The following WDR70 variants were observed in gnomAD, a reference collection of about 807,000 sequenced individuals.
WDR70 encodes the protein WD repeat domain 70, also known as WD repeat-containing protein 70.
WDR70 carries 53 observed loss-of-function variants against 88.6 expected under a neutral mutation model. The observed-to-expected ratio is 0.60, with a 90% confidence interval of 0.48 to 0.75. WDR70 has a LOEUF of 0.75. WDR70 is among the 30% of genes least tolerant of loss of function. WDR70 has a pLI of 0.00. For synonymous variants in WDR70, 280 were observed against 270.0 expected (o/e 1.04, Z -0.36); for missense variants, 610 against 823.2 (o/e 0.74, Z 3.17).
intron 10 of WDR70, among the ~76,000 whole-genome samples, chr5:37,638,618 T>C (rs1356434): frequency 0.97 from 148,096 of 152,304 alleles, 72,153 homozygotes; most frequent in East Asian, 1. Context: ...GTTAATATGT[T>C]AAGTTCTCAA....
chr5:37,536,862 G>C (rs1741680372), intron 9 of WDR70, among the ~76,000 whole-genome samples: 1 of 151,794 alleles, frequency 6.6e-6, no homozygotes, highest in South Asian at 2.1e-4. Flanking sequence ...CTCTCTAGAG[G>C]ACTTTTAAAT....
intron 10 of WDR70, among the ~76,000 whole-genome samples, chr5:37,637,352 T>G (rs574438881): frequency 1.5e-5 from 2 of 135,274 alleles, no homozygotes; most frequent in South Asian, 2.3e-4. Flanking sequence ...AATAAATAAA[T>G]AAATAAATAA....
chr5:37,450,572 A>C (rs1738644986), intron 7 of WDR70, among the ~76,000 whole-genome samples: 1 of 152,178 alleles, frequency 6.6e-6, no homozygotes, highest in African/African-American at 2.4e-5. Context: ...AGCTTCCACT[A>C]TCCATTTACT....
At chr5:37,457,206 A>G (rs1211892153) in intron 7 of WDR70, among the ~76,000 whole-genome samples, 1 of 152,040 alleles carries the variant, frequency 6.6e-6, no homozygotes, top group East Asian at 1.9e-4. Context: ...AGCAATTCTC[A>G]TGCCTCAACC....
intron 9 of WDR70, among the ~76,000 whole-genome samples, chr5:37,582,906 G>A (rs1015521558): frequency 1.3e-4 from 20 of 152,232 alleles, no homozygotes; most frequent in Admixed American, 1.2e-3. Context: ...GTCGCCACCA[G>A]TACTTTTTAT....
intron 5 of WDR70, among the ~76,000 whole-genome samples, chr5:37,399,583 A>G (rs16903608): frequency 0.025 from 3,864 of 152,324 alleles, 150 homozygotes; most frequent in African/African-American, 0.088. Flanking sequence ...GGTGAAAACA[A>G]TTGAGGTATT....
At chr5:37,418,350 C>G (rs188097568) in intron 5 of WDR70, among the ~76,000 whole-genome samples, 21 of 152,062 alleles carry the variant, frequency 1.4e-4, no homozygotes, top group African/African-American at 5.1e-4. Flanking sequence ...GATGGAGTCT[C>G]GCTCTGTCGC....
rs900698947 is a variant in WDR70, at chr5:37,496,273, T to C, written c.840+16286T>C. On this transcript the variant is annotated intron_variant, in intron 8 of 17. Transcript: ENST00000265107. ...CCACCTGCTAGGGTCCCCTTCCACC[T>C]TGTGGAAGCTTTGTTGTTTCACTCT... Among the ~76,000 whole-genome samples the C allele has an allele frequency of 4.6e-5, 7 of 152,154 alleles. No homozygotes were observed. In the South Asian group the frequency reaches 1.4e-3, roughly 32 times the overall value.
chr5:37,554,132 C>A (rs1325558350), intron 9 of WDR70, among the ~76,000 whole-genome samples: 3 of 139,818 alleles, frequency 2.1e-5, no homozygotes, highest in Non-Finnish European at 4.5e-5. Flanking sequence ...TTTTTAAGTA[C>A]GCTCAGGTTG....
chr5:37,687,524 A>T (rs533368526), intron 10 of WDR70, among the ~76,000 whole-genome samples: 1 of 152,322 alleles, frequency 6.6e-6, no homozygotes, highest in South Asian at 2.1e-4. Flanking sequence ...ATTCTGCATT[A>T]TAAATAATGA....
intron 5 of WDR70, among the ~76,000 whole-genome samples, chr5:37,436,757 T>G (rs1750477691): frequency 6.6e-6 from 1 of 152,104 alleles, no homozygotes. Context: ...TTAGGGGAAG[T>G]CAGTAGTCTT....
Position 37,752,941 on chromosome 5 carries a change from T to C in WDR70, c.*368T>C, listed in dbSNP as rs1249996118. 6.1e-6 allele frequency: 1 copy of C among 164,414 alleles called. No individual in the cohort carries two copies. Among genetic ancestry groups the C allele is most frequent in the African/African-American group, 2.4e-5 (1 of 41,680 alleles). The allele number at this position is 164,414 out of a possible 1,614,324, so 10.2% of individuals were successfully genotyped here. ...CAATTCTAGGAACATAATATAGAAA[T>C]AGAGATCAAAAAGTTTAATGTTTCT... is the stretch of plus-strand genomic sequence containing the variant. On this transcript the variant is annotated 3_prime_UTR_variant, in exon 18 of 18. Coordinates refer to ENST00000265107, the MANE Select transcript of WDR70 (RefSeq NM_018034.4).
chr5:37,398,835 A>T (rs1274107541), intron 5 of WDR70, among the ~76,000 whole-genome samples: 1 of 152,180 alleles, frequency 6.6e-6, no homozygotes, highest in Non-Finnish European at 1.5e-5. Context: ...TGGCTTTTAA[A>T]TATCTCTGTA....
intron 4 of WDR70, among the ~76,000 whole-genome samples, chr5:37,395,951 C>G (rs1015176266): frequency 2.6e-5 from 4 of 152,092 alleles, no homozygotes; most frequent in Admixed American, 2.0e-4. Context: ...CAAGCACATG[C>G]CACCACACCT....
intron 7 of WDR70, among the ~76,000 whole-genome samples, chr5:37,467,680 T>C (rs1471470115): frequency 6.6e-6 from 1 of 151,466 alleles, no homozygotes; most frequent in Non-Finnish European, 1.5e-5. Flanking sequence ...GGGACTAAGG[T>C]GCCCGCCACT....
chr5:37,504,660 C>G (rs191153240), intron 8 of WDR70, among the ~76,000 whole-genome samples: 68 of 152,318 alleles, frequency 4.5e-4, no homozygotes, highest in African/African-American at 1.6e-3. Flanking sequence ...CTCTCCTTCA[C>G]TTGTAAAGTT....
chr5:37,440,037 T>G (rs912647658), intron 6 of WDR70, among the ~76,000 whole-genome samples: 2 of 152,194 alleles, frequency 1.3e-5, no homozygotes, highest in African/African-American at 4.8e-5. Flanking sequence ...TGTTCAAATT[T>G]CCCCAGTTTT....
chr5:37,385,696 G>T (rs1217504341), intron 3 of WDR70, among the ~76,000 whole-genome samples: 1 of 151,890 alleles, frequency 6.6e-6, no homozygotes, highest in African/African-American at 2.4e-5. Context: ...ATAAACTTAG[G>T]TGGGATCCAA....
intron 17 of WDR70, among the ~76,000 whole-genome samples, chr5:37,749,343 C>A (rs1382682788): frequency 6.6e-6 from 1 of 152,084 alleles, no homozygotes; most frequent in Non-Finnish European, 1.5e-5. Flanking sequence ...CAGCAAACTA[C>A]ACAGTAACAG....
Sources: allele counts gnomAD v4.1 joint callset (sites outside exome capture counted in the v4.1 genomes callset), GRCh38; gene constraint gnomAD v4.1.1; transcripts MANE v1.5; gene names NCBI Gene and HGNC (gene_info 2026-07-23, HGNC 2026-07-21).